Variants in SIK3 observed in about 807,000 individuals in gnomAD.
SIK3 encodes the protein serine/threonine-protein kinase SIK3.
Under a neutral mutation model 144.2 loss-of-function variants are expected in SIK3, and 28 were observed. The observed-to-expected ratio is 0.19, with a 90% CI of 0.14 to 0.27. The LOEUF is 0.27. SIK3 is among the 10% of genes least tolerant of loss of function. The probability of loss-of-function intolerance (pLI) is 1.00; values close to 1 mark genes in which losing one functional copy is unlikely to be tolerated. For missense variants in SIK3, 1,319 were observed against 1,776.0 expected (o/e 0.74, Z 4.62); for synonymous variants, 686 against 676.3 (o/e 1.01, Z -0.22).
rs538889423 is a variant in SIK3, at chr11:116,896,014, G to C, written c.865+239C>G. Reference sequence around the variant, plus strand: ...AAACTCTCAGCCAATTTATAGATGAGGACACTAAAGCTGAGACAGACTTAG... The same window carrying C: ...AAACTCTCAGCCAATTTATAGATGACGACACTAAAGCTGAGACAGACTTAG... On this transcript the variant is annotated intron_variant, in intron 6 of 24. Transcript: ENST00000445177. Among the ~76,000 whole-genome samples, 14 of 152,266 alleles carry C rather than the reference G, an allele frequency of 9.2e-5. No individual in the cohort carries two copies. The East Asian group carries it at 2.7e-3, about 29-fold the overall frequency.
At chr11:116,917,845 G>GGAAAGGAAAGGAAAGGAAAC (rs1565450058) in intron 4 of SIK3, among the ~76,000 whole-genome samples, 1 of 150,400 alleles carries the variant, frequency 6.6e-6, no homozygotes, top group African/African-American at 2.5e-5. Flanking sequence ...GGAAAGGAAA[G>GGAAAGGAAAGGAAAGGAAAC]GAAAGGAAAG....
At chr11:117,010,902 T>C (rs191408153) in intron 1 of SIK3, among the ~76,000 whole-genome samples, 28 of 152,260 alleles carry the variant, frequency 1.8e-4, no homozygotes, top group Admixed American at 7.2e-4. Flanking sequence ...GCTGGGTCAC[T>C]GGAGCTCTGA....
At chr11:116,991,049 C>T (rs1338182567) in intron 1 of SIK3, among the ~76,000 whole-genome samples, 1 of 152,216 alleles carries the variant, frequency 6.6e-6, no homozygotes, top group African/African-American at 2.4e-5. Context: ...GCTTGTTTTA[C>T]AAATGAATTA....
chr11:116,912,919 A>G (rs1350686504), intron 4 of SIK3, among the ~76,000 whole-genome samples: 1 of 152,236 alleles, frequency 6.6e-6, no homozygotes, highest in East Asian at 1.9e-4. Flanking sequence ...GTGTAAGAAC[A>G]GTATATAAAT....
intron 1 of SIK3, among the ~76,000 whole-genome samples, chr11:117,040,550 C>T (rs537754009): frequency 1.2e-4 from 18 of 152,046 alleles, no homozygotes; most frequent in African/African-American, 4.1e-4. Flanking sequence ...TACAGATGTG[C>T]CAAGGAAGAG....
intron 14 of SIK3, among the ~76,000 whole-genome samples, chr11:116,868,525 C>T (rs1943777020): frequency 6.6e-6 from 1 of 152,202 alleles, no homozygotes; most frequent in Non-Finnish European, 1.5e-5. Context: ...CTGTGCATGT[C>T]TCTCGATCTC....
chr11:117,070,471 A>T (rs1179219652), intron 1 of SIK3, among the ~76,000 whole-genome samples: 2 of 149,772 alleles, frequency 1.3e-5, no homozygotes, highest in Non-Finnish European at 3.0e-5. Flanking sequence ...TTTGAGACAG[A>T]GTTTCACTCT....
intron 1 of SIK3, among the ~76,000 whole-genome samples, chr11:117,097,170 CA>C (rs1453079357): frequency 6.6e-6 from 1 of 152,210 alleles, no homozygotes; most frequent in East Asian, 1.9e-4. Context: ...TACATGCATA[CA>C]TATATAGCTT....
rs150750968 is a variant in SIK3 at position 116,969,657 on chromosome 11, G to C, written c.274-12593C>G. Among the ~76,000 whole-genome samples, 1,314 of 152,248 alleles carry C rather than the reference G, an allele frequency of 8.6e-3. 10 individuals are homozygous for C. The highest frequency in any genetic ancestry group is 0.013 in the Non-Finnish European group (909 of 68,008). ...ACTTTTCTGGGTAGAAAACAGCACA[G>C]AATAAGGAGCTCAGAGTGTAGGAAG... On this transcript the variant is annotated intron_variant, in intron 1 of 24. Transcript: ENST00000445177.
chr11:116,876,074 C>A (rs1944237728), intron 8 of SIK3, 65 bp from the exon 9 acceptor site: 28 of 1,592,834 alleles, frequency 1.8e-5, no homozygotes, highest in Non-Finnish European at 2.4e-5. Context: ...GACCAGAACC[C>A]TTTCAGTAAT....
chr11:117,060,599 A>C lies in SIK3; in HGVS notation c.273+37544T>G, dbSNP rs967291023. On this transcript the variant is annotated intron_variant, in intron 1 of 24. Coordinates refer to ENST00000445177, the MANE Select transcript of SIK3 (RefSeq NM_001366686.3). ...ATGACAAGAGCAAAACTCCATCTCA[A>C]AAAAAAAAAAAAAAATCAGTGATTG... Among the ~76,000 whole-genome samples, 10 of 141,848 alleles carry C rather than the reference A, an allele frequency of 7.0e-5. No homozygotes were observed. In the East Asian group the frequency reaches 2.0e-3, roughly 28 times the overall value. 93.1% of individuals were successfully genotyped at this position (141,848 alleles called of 152,430 possible).
chr11:116,861,266 C>G lies in SIK3; in HGVS notation c.2425+8G>C, dbSNP rs1413763114. 1 of 1,576,460 alleles carries G rather than the reference C, an allele frequency of 6.3e-7. No homozygotes were observed. Among genetic ancestry groups the G allele is most frequent in the Non-Finnish European group, 8.6e-7 (1 of 1,157,752 alleles). On this transcript the variant is annotated splice_region_variant and intron_variant, in intron 19 of 24. Transcript: ENST00000445177. ...AATGAACTGTTTGGTCTGAACCTCT[C>G]CACTCACCGTGAGGCTGGATCATGG...
intron 16 of SIK3, among the ~76,000 whole-genome samples, chr11:116,863,073 CAAAA>C (rs144760564): frequency 1.7e-5 from 2 of 115,476 alleles, no homozygotes; most frequent in Non-Finnish European, 1.8e-5. Flanking sequence ...GACTTGGTCT[CAAAA>C]AAAAAAAAAA....
intron 3 of SIK3, among the ~76,000 whole-genome samples, chr11:116,940,533 T>G (rs1948231169): frequency 6.6e-6 from 1 of 151,940 alleles, no homozygotes; most frequent in Non-Finnish European, 1.5e-5. Context: ...GCCTGGCCCT[T>G]TGGGATTTAT....
chr11:117,012,904 T>C (rs1230518283), intron 1 of SIK3, among the ~76,000 whole-genome samples: 3 of 131,578 alleles, frequency 2.3e-5, no homozygotes, highest in Admixed American at 9.2e-5. Context: ...CAGGCTGGAG[T>C]GCAGCGGCGT....
chr11:116,964,379 T>C (rs1304640079), intron 1 of SIK3, among the ~76,000 whole-genome samples: 1 of 152,080 alleles, frequency 6.6e-6, no homozygotes, highest in Non-Finnish European at 1.5e-5. Context: ...AACAGGGATG[T>C]ATATTTGGAA....
rs530526204 is a variant in SIK3, at chr11:117,052,789, T to C, written c.273+45354A>G. On this transcript the variant is annotated intron_variant, in intron 1 of 24. Transcript: ENST00000445177. ...AAGCTTCATTGTAATAGCAAATTTC[T>C]GGTTGAAGAGCTTGCTAAGGTCCAA... Among the ~76,000 whole-genome samples the C allele has an allele frequency of 7.9e-5, 12 of 152,350 alleles. No homozygotes were observed. In the South Asian group the frequency reaches 1.7e-3, roughly 21 times the overall value.
At chr11:117,083,048 T>C (rs1954857169) in intron 1 of SIK3, among the ~76,000 whole-genome samples, 1 of 152,198 alleles carries the variant, frequency 6.6e-6, no homozygotes, top group Non-Finnish European at 1.5e-5. Flanking sequence ...AACTAAATTT[T>C]GGTTTTCAAA....
intron 1 of SIK3, among the ~76,000 whole-genome samples, chr11:117,027,499 C>T (rs1164818342): frequency 2.6e-5 from 4 of 151,744 alleles, no homozygotes; most frequent in Non-Finnish European, 1.5e-5. Flanking sequence ...ACTCTTGTCG[C>T]CCAGGCTGGA....
Sources: allele counts gnomAD v4.1 joint callset (sites outside exome capture counted in the v4.1 genomes callset), GRCh38; gene constraint gnomAD v4.1.1; transcripts MANE v1.5; gene names NCBI Gene and HGNC (gene_info 2026-07-23, HGNC 2026-07-21).